Variants in SLIT3 observed in about 807,000 individuals in gnomAD.
SLIT3 encodes slit homolog 3 protein.
SLIT3 carries 68 observed loss-of-function variants against 184.0 expected under a neutral mutation model. That is an observed-to-expected ratio of 0.37 (90% CI 0.30 to 0.45). The LOEUF (loss-of-function observed/expected upper bound fraction) is 0.45. Among genes scored for constraint, SLIT3 ranks in the 20% least tolerant of loss-of-function variants. The pLI is 1.00. For synonymous variants in SLIT3, 831 were observed against 828.6 expected, an observed-to-expected ratio of 1.00 and a Z score of -0.05; for missense variants, 1,707 against 2,026.0, an observed-to-expected ratio of 0.84 and a Z score of 3.02.
chr5:169,233,841 A>G (rs1456625671), intron 3 of SLIT3, among the ~76,000 whole-genome samples: 4 of 151,310 alleles, frequency 2.6e-5, no homozygotes, highest in Admixed American at 2.0e-4. Flanking sequence ...TTTTCGAATC[A>G]TTGCCAGAAC....
In SLIT3 at chr5:168,883,340, A is replaced by G; in HGVS notation, c.414-4T>C. The G allele has an allele frequency of 6.2e-7, 1 of 1,612,434 alleles. No individual in the cohort carries two copies. The highest frequency in any genetic ancestry group is 8.5e-7 in the Non-Finnish European group (1 of 1,178,524). ...GATCTGGTTTTCACTCAAATCTCTA[A>G]ACAAGAAGAGAAGAGGCACACTGCA... On this transcript the variant is annotated splice_polypyrimidine_tract_variant and splice_region_variant and intron_variant, in intron 4 of 35. Transcript: ENST00000519560.
intron 1 of SLIT3, among the ~76,000 whole-genome samples, chr5:169,285,536 T>C (rs1334025950): frequency 5.3e-5 from 8 of 152,316 alleles, no homozygotes; most frequent in African/African-American, 1.9e-4. Flanking sequence ...GTGGGCAAGC[T>C]TGTACTGTTC....
chr5:169,135,219 G>A (rs1191688206), intron 4 of SLIT3, among the ~76,000 whole-genome samples: 2 of 152,128 alleles, frequency 1.3e-5, no homozygotes, highest in African/African-American at 2.4e-5. Context: ...CAATTCTCCT[G>A]TCTCAGCCTC....
intron 4 of SLIT3, chr5:169,030,511 T>G (rs972954329): frequency 6.6e-6 from 1 of 152,224 alleles, no homozygotes; most frequent in Non-Finnish European, 1.5e-5. Flanking sequence ...TATAGAACAC[T>G]GTTTCTTTCT....
At chr5:169,230,962 T>G (rs959119420) in intron 3 of SLIT3, among the ~76,000 whole-genome samples, 1 of 152,240 alleles carries the variant, frequency 6.6e-6, no homozygotes, top group Non-Finnish European at 1.5e-5. Context: ...ATTATTTTCA[T>G]TTTGCTACAT....
chr5:169,163,819 C>G (rs769915261), intron 4 of SLIT3, among the ~76,000 whole-genome samples: 2 of 152,176 alleles, frequency 1.3e-5, no homozygotes, highest in Admixed American at 1.3e-4. Context: ...ACCACTCCTG[C>G]GCTCTTCCAA....
chr5:168,872,244 T>G (rs1245107119), intron 5 of SLIT3, among the ~76,000 whole-genome samples: 3 of 152,164 alleles, frequency 2.0e-5, no homozygotes, highest in African/African-American at 7.2e-5. Flanking sequence ...TTTGGGGGAA[T>G]GGAAGGAAGG....
chr5:168,755,107 C>T (rs1754846747), intron 16 of SLIT3, among the ~76,000 whole-genome samples: 1 of 152,202 alleles, frequency 6.6e-6, no homozygotes, highest in Non-Finnish European at 1.5e-5. Context: ...ATCAAACCCT[C>T]AAAACGATGG....
At chr5:169,106,481 G>A (rs138307347) in intron 4 of SLIT3, among the ~76,000 whole-genome samples, 1,627 of 152,308 alleles carry the variant, frequency 0.011, 21 homozygotes, top group Non-Finnish European at 0.017. Flanking sequence ...TCATTTTGAT[G>A]TGGCCATCTT....
chr5:168,751,375 C>T (rs768964752), intron 18 of SLIT3, among the ~76,000 whole-genome samples: 82 of 152,202 alleles, frequency 5.4e-4, no homozygotes, highest in Admixed American at 3.1e-3. Context: ...CATGGAAATA[C>T]GACGAGCAGC....
intron 4 of SLIT3, among the ~76,000 whole-genome samples, chr5:168,947,752 G>A (rs1390520002): frequency 6.6e-6 from 1 of 152,156 alleles, no homozygotes; most frequent in Non-Finnish European, 1.5e-5. Context: ...AATGGGGAAG[G>A]AGAGCCTGAA....
intron 4 of SLIT3, among the ~76,000 whole-genome samples, chr5:168,886,684 G>T (rs1191547963): frequency 6.6e-6 from 1 of 152,150 alleles, no homozygotes; most frequent in Non-Finnish European, 1.5e-5. Flanking sequence ...GCAGGAGTGG[G>T]AGGTGTGCAG....
chr5:169,212,325 G>A (rs902196526), intron 3 of SLIT3, among the ~76,000 whole-genome samples: 1 of 152,194 alleles, frequency 6.6e-6, no homozygotes, highest in Non-Finnish European at 1.5e-5. Context: ...ACTGGCATGA[G>A]ATGGTATCTC....
intron 4 of SLIT3, among the ~76,000 whole-genome samples, chr5:169,044,597 G>C (rs1398055993): frequency 3.0e-5 from 4 of 135,216 alleles, no homozygotes; most frequent in Non-Finnish European, 6.3e-5. Flanking sequence ...TGGGGGGGGG[G>C]ATGGGGAGAA....
intron 35 of SLIT3, chr5:168,667,592 T>C (rs533935004): frequency 1.3e-5 from 2 of 152,338 alleles, no homozygotes; most frequent in South Asian, 4.1e-4. Context: ...CTGTCCTCAC[T>C]ACAGTGGGAG....
intron 2 of SLIT3, 61 bp downstream of exon 2, chr5:169,251,327 T>C: frequency 1.7e-6 from 2 of 1,204,776 alleles, no homozygotes; most frequent in Non-Finnish European, 2.5e-6. Flanking sequence ...CAGTGGAACA[T>C]TTTTTTGTGA....
chr5:169,265,376 C>G (rs1446169205), intron 1 of SLIT3, among the ~76,000 whole-genome samples: 1 of 152,184 alleles, frequency 6.6e-6, no homozygotes, highest in Non-Finnish European at 1.5e-5. Context: ...GTCAGTCCAT[C>G]AAATAACAAT....
At chr5:168,769,883 G>C (rs1409308652) in intron 14 of SLIT3, among the ~76,000 whole-genome samples, 1 of 152,142 alleles carries the variant, frequency 6.6e-6, no homozygotes, top group Non-Finnish European at 1.5e-5. Context: ...AGATTTTTCT[G>C]CTGTGTGGAC....
chr5:168,757,320 C>T (rs998295924), intron 16 of SLIT3, among the ~76,000 whole-genome samples: 16 of 152,212 alleles, frequency 1.1e-4, no homozygotes, highest in African/African-American at 3.9e-4. Flanking sequence ...TTAATTTGTG[C>T]TCACTGCTAG....
Sources: allele counts gnomAD v4.1 joint callset (sites outside exome capture counted in the v4.1 genomes callset), GRCh38; gene constraint gnomAD v4.1.1; transcripts MANE v1.5; gene names NCBI Gene and HGNC (gene_info 2026-07-23, HGNC 2026-07-21).